Variants in RSRC1 observed in about 807,000 individuals in gnomAD.
RSRC1 encodes arginine and serine rich coiled-coil 1.
In RSRC1, 39 loss-of-function variants were observed where a neutral mutation model predicts 49.1. The ratio of observed to expected loss-of-function variants is 0.79; its 90% CI spans 0.61 to 1.04. The LOEUF is 1.04. RSRC1 is among the 50% of genes least tolerant of loss of function. RSRC1 has a pLI of 0.00. For synonymous variants in RSRC1, 143 were observed against 130.8 expected (o/e 1.09, Z -0.63); for missense variants, 388 against 402.4 (o/e 0.96, Z 0.31).
chr3:158,494,472 T>C (rs1348882535), intron 7 of RSRC1, among the ~76,000 whole-genome samples: 2 of 152,168 alleles, frequency 1.3e-5, no homozygotes, highest in Admixed American at 6.5e-5. Context: ...TTATAAACAC[T>C]GTACGTTAGG....
At chr3:158,194,770 A>G (rs143508242) in intron 3 of RSRC1, among the ~76,000 whole-genome samples, 1,666 of 150,754 alleles carry the variant, frequency 0.011, 35 homozygotes, top group African/African-American at 0.039. Context: ...CCTTGCGATA[A>G]TTTGCTGAGA....
chr3:158,281,263 T>A (rs1277612898), intron 4 of RSRC1, among the ~76,000 whole-genome samples: 2 of 151,930 alleles, frequency 1.3e-5, no homozygotes, highest in African/African-American at 4.8e-5. Flanking sequence ...AAATAGGAAA[T>A]ACTGAAAAGG....
chr3:158,376,204 T>C (rs1167025983), intron 6 of RSRC1, among the ~76,000 whole-genome samples: 1 of 146,220 alleles, frequency 6.8e-6, no homozygotes, highest in East Asian at 2.0e-4. Flanking sequence ...TTTTTTTTTT[T>C]TTTTAAAGAC....
rs1046186698 is a variant in RSRC1 at position 158,515,508 on chromosome 3, C to T, written c.653-21584C>T. Among the ~76,000 whole-genome samples the T allele has an allele frequency of 7.3e-5, 10 of 136,906 alleles. 1 individual carries two copies. Among genetic ancestry groups the T allele is most frequent in the African/African-American group, 2.9e-4 (10 of 34,940 alleles). 89.8% of individuals were successfully genotyped at this position (136,906 alleles called of 152,430 possible). A position where few individuals can be genotyped will look rare whatever the true frequency, so the allele number is the denominator to read the frequency against. On this transcript the variant is annotated intron_variant, in intron 7 of 9. Coordinates refer to ENST00000611884, the MANE Select transcript of RSRC1 (RefSeq NM_001271838.2). ...GGCTTCCCTTTGAGGGTAACCCGACCTTTCTCTCTGGCTGCCCTTAACATT... is the reference window on the plus strand; with the variant it reads ...GGCTTCCCTTTGAGGGTAACCCGACTTTTCTCTCTGGCTGCCCTTAACATT...
At chr3:158,388,766 T>C (rs947171582) in intron 6 of RSRC1, among the ~76,000 whole-genome samples, 7 of 152,092 alleles carry the variant, frequency 4.6e-5, no homozygotes, top group African/African-American at 1.7e-4. Flanking sequence ...CACGCCACCA[T>C]GCCCAGCTAA....
chr3:158,155,260 A>T (rs946714555), intron 3 of RSRC1, among the ~76,000 whole-genome samples: 2 of 152,184 alleles, frequency 1.3e-5, no homozygotes, highest in Non-Finnish European at 2.9e-5. Context: ...TATGGCAGCT[A>T]TAGCCTTACA....
chr3:158,421,445 A>T (rs1735044013), intron 6 of RSRC1, among the ~76,000 whole-genome samples: 1 of 151,878 alleles, frequency 6.6e-6, no homozygotes, highest in Non-Finnish European at 1.5e-5. Context: ...TTATCACAAA[A>T]CTAATTTTAG....
rs1377130925 is a variant in RSRC1, at chr3:158,278,774, T to C, written c.495-19265T>C. On this transcript the variant is annotated intron_variant, in intron 4 of 9. Coordinates refer to ENST00000611884, the MANE Select transcript of RSRC1 (RefSeq NM_001271838.2). ...TTGGTAAATGGCTTTCATTGATTGG[T>C]TGACAAATACAACACTCAGAAACTC... 2.6e-5 allele frequency among the ~76,000 whole-genome samples: 4 copies of C among 152,226 alleles called. No individual in the cohort carries two copies. In the East Asian group the frequency reaches 7.7e-4, roughly 29 times the overall value.
intron 7 of RSRC1, among the ~76,000 whole-genome samples, chr3:158,501,864 G>C (rs1454601523): frequency 6.6e-6 from 1 of 152,182 alleles, no homozygotes; most frequent in African/African-American, 2.4e-5. Context: ...TTAGTATTGA[G>C]ATGTGAGGTA....
At chr3:158,505,923 C>A (rs1578555093) in intron 7 of RSRC1, among the ~76,000 whole-genome samples, 2 of 152,080 alleles carry the variant, frequency 1.3e-5, no homozygotes, top group South Asian at 4.2e-4. Context: ...ATGATGTGCA[C>A]CAAGCATAGA....
intron 7 of RSRC1, among the ~76,000 whole-genome samples, chr3:158,489,978 A>G (rs1470102546): frequency 6.6e-6 from 1 of 152,224 alleles, no homozygotes; most frequent in African/African-American, 2.4e-5. Flanking sequence ...GAAAAAACAT[A>G]AAGGGAGTTA....
Position 158,545,548 on chromosome 3 carries a change from T to C in RSRC1, c.*1273T>C, listed in dbSNP as rs1023717882. On this transcript the variant is annotated 3_prime_UTR_variant, in exon 10 of 10. Coordinates refer to ENST00000611884, the MANE Select transcript of RSRC1 (RefSeq NM_001271838.2). ...TAGGACATTTTAATGCCATCTTCTT[T>C]ATATTTCTGGGACATTAAAATTCAA... 6.6e-5 allele frequency: 10 copies of C among 152,206 alleles called. No individual in the cohort carries two copies. Among genetic ancestry groups the C allele is most frequent in the Non-Finnish European group, 1.3e-4 (9 of 68,032 alleles). 9.4% of individuals were successfully genotyped at this position (152,206 alleles called of 1,614,324 possible). A position where few individuals can be genotyped will look rare whatever the true frequency, so the allele number is the denominator to read the frequency against.
At chr3:158,417,259 A>G (rs1734790313) in intron 6 of RSRC1, among the ~76,000 whole-genome samples, 1 of 152,084 alleles carries the variant, frequency 6.6e-6, no homozygotes, top group Non-Finnish European at 1.5e-5. Context: ...AAACTTTTAC[A>G]TATAATATCA....
In RSRC1 at chr3:158,272,174, C is replaced by T. The variant is rs553467539; in HGVS notation, c.495-25865C>T. ...CATAAAGGGATTTCTTTCTTAAGCC[C>T]CGTGGATTTTTTCCCTGCACAACTT... On this transcript the variant is annotated intron_variant, in intron 4 of 9. Coordinates refer to ENST00000611884, the MANE Select transcript of RSRC1 (RefSeq NM_001271838.2). Among the ~76,000 whole-genome samples, 5 of 152,090 alleles carry T rather than the reference C, an allele frequency of 3.3e-5. No individual in the cohort carries two copies. In the South Asian group the frequency reaches 1.0e-3, roughly 32 times the overall value.
intron 6 of RSRC1, among the ~76,000 whole-genome samples, chr3:158,425,735 A>ACTCAGGACT (rs1481704641): frequency 6.6e-6 from 1 of 151,680 alleles, no homozygotes; most frequent in African/African-American, 2.4e-5. Flanking sequence ...TTTGTAGGTC[A>ACTCAGGACT]CTCAGGACTT....
intron 6 of RSRC1, among the ~76,000 whole-genome samples, chr3:158,365,163 A>G (rs931246097): frequency 1.2e-4 from 19 of 152,138 alleles, no homozygotes; most frequent in African/African-American, 4.6e-4. Flanking sequence ...TTTTTTTAAA[A>G]TTATACTTTA....
At chr3:158,366,290 TAA>T (rs1445797800) in intron 6 of RSRC1, among the ~76,000 whole-genome samples, 1 of 152,258 alleles carries the variant, frequency 6.6e-6, no homozygotes, top group Non-Finnish European at 1.5e-5. Context: ...GTCTTACGTT[TAA>T]GTCTTTAATC....
chr3:158,484,091 T>A (rs1048011980), intron 7 of RSRC1, among the ~76,000 whole-genome samples: 2 of 152,100 alleles, frequency 1.3e-5, no homozygotes, highest in African/African-American at 2.4e-5. Context: ...TAAAGTTGAT[T>A]TTTTCCTGAA....
intron 3 of RSRC1, among the ~76,000 whole-genome samples, chr3:158,125,115 G>A (rs950253562): frequency 2.6e-5 from 4 of 151,694 alleles, no homozygotes; most frequent in African/African-American, 4.8e-5. Context: ...TACCTTGCCC[G>A]GCCTCATTTT....
Sources: gnomAD v4.1 joint callset for allele counts (sites outside exome capture counted in the v4.1 genomes callset) on GRCh38, gnomAD v4.1.1 for gene constraint, MANE v1.5 for transcripts, NCBI Gene and HGNC (gene_info 2026-07-23, HGNC 2026-07-21) for gene names.